DPP10: variants seen among roughly 807,000 people sequenced by gnomAD.
DPP10 encodes the protein dipeptidyl peptidase like 10, also known as inactive dipeptidyl peptidase 10.
In DPP10, 33 loss-of-function variants were observed where a neutral mutation model predicts 120.9. That is an observed-to-expected ratio of 0.27 (90% CI 0.21 to 0.37). The LOEUF is 0.37. Ranked by LOEUF, DPP10 falls within the 10% of genes least tolerant of loss-of-function variation. The probability of loss-of-function intolerance (pLI) is 1.00; values close to 1 mark genes in which losing one functional copy is unlikely to be tolerated. For synonymous variants in DPP10, 337 were observed against 326.1 expected, an observed-to-expected ratio of 1.03 and a Z score of -0.36; for missense variants, 816 against 942.8, an observed-to-expected ratio of 0.87 and a Z score of 1.76.
At chr2:114,475,857 G>C (rs566227459) in intron 1 of DPP10, among the ~76,000 whole-genome samples, 1 of 152,298 alleles carries the variant, frequency 6.6e-6, no homozygotes, top group East Asian at 1.9e-4. Flanking sequence ...TTTCCTGTGA[G>C]GGTAACTTGA....
chr2:115,005,448 CA>C (rs1701751457), intron 1 of DPP10, among the ~76,000 whole-genome samples: 1 of 151,178 alleles, frequency 6.6e-6, no homozygotes, highest in Non-Finnish European at 1.5e-5. Flanking sequence ...AAACCAAAGG[CA>C]AAGAAGTTGA....
At chr2:114,874,366 A>G (rs1690971842) in intron 1 of DPP10, among the ~76,000 whole-genome samples, 1 of 152,162 alleles carries the variant, frequency 6.6e-6, no homozygotes. Context: ...AAGGTCAAAT[A>G]GGTGTGACAA....
At chr2:115,543,870 A>T (rs1285168596) in intron 5 of DPP10, among the ~76,000 whole-genome samples, 1 of 152,050 alleles carries the variant, frequency 6.6e-6, no homozygotes, top group African/African-American at 2.4e-5. Context: ...ACTGCCAAGA[A>T]TCAGTAGGGG....
rs1677577966 is a variant in DPP10, at chr2:115,743,641, C to CACGA, written c.853-2445_853-2444insACGA. On this transcript the variant is annotated intron_variant, in intron 9 of 25. Transcript: ENST00000410059. ...ACTATTTTAGGCACTTTACATAAAT[C>CACGA]TTTTTATTAGTTTATGAGATATTCT... is the stretch of plus-strand genomic sequence containing the variant. 1.9e-3 allele frequency among the ~76,000 whole-genome samples: 262 copies of CACGA among 141,458 alleles called. 17 individuals are homozygous for CACGA. The highest frequency in any genetic ancestry group is 0.011 in the Admixed American group (115 of 10,728). The allele number at this position is 141,458 out of a possible 152,430, so 92.8% of individuals were successfully genotyped here.
At chr2:115,056,307 A>T (rs193037201) in intron 1 of DPP10, among the ~76,000 whole-genome samples, 22 of 152,278 alleles carry the variant, frequency 1.4e-4, no homozygotes, top group Admixed American at 2.0e-4. Flanking sequence ...AGGTACTATT[A>T]TGTGTAGGGT....
At chr2:115,469,887 AAAAAAAAAAAAAG>A (rs1215920383) in intron 3 of DPP10, among the ~76,000 whole-genome samples, 5 of 146,648 alleles carry the variant, frequency 3.4e-5, no homozygotes, top group African/African-American at 4.9e-5. Context: ...AACAAGAGAA[AAAAAAAAAAAAAG>A]AAAAAAAAAA....
intron 1 of DPP10, among the ~76,000 whole-genome samples, chr2:114,545,134 G>A (rs1687286502): frequency 1.3e-5 from 2 of 152,096 alleles, no homozygotes; most frequent in Admixed American, 1.3e-4. Context: ...ACAGGTGTGA[G>A]CCACTATGCC....
intron 5 of DPP10, among the ~76,000 whole-genome samples, chr2:115,634,742 G>C (rs1280247191): frequency 1.3e-5 from 2 of 152,180 alleles, no homozygotes; most frequent in Non-Finnish European, 2.9e-5. Context: ...GCTCCTTGGT[G>C]GAGGAGGTGC....
chr2:114,494,226 T>C (rs142870969), intron 1 of DPP10, among the ~76,000 whole-genome samples: 80 of 152,000 alleles, frequency 5.3e-4, no homozygotes, highest in African/African-American at 1.8e-3. Flanking sequence ...GGCAAGTTAC[T>C]CAACTTCTTC....
At chr2:115,657,742 A>T (rs748266224) in intron 5 of DPP10, among the ~76,000 whole-genome samples, 4 of 151,938 alleles carry the variant, frequency 2.6e-5, no homozygotes, top group Non-Finnish European at 5.9e-5. Context: ...AAAATGATAG[A>T]TTGATATATT....
At chr2:115,190,797 GTC>G (rs2054824536) in intron 1 of DPP10, among the ~76,000 whole-genome samples, 1 of 152,196 alleles carries the variant, frequency 6.6e-6, no homozygotes, top group Non-Finnish European at 1.5e-5. Flanking sequence ...TGGCCTGCCT[GTC>G]GCACATAACA....
chr2:114,967,492 G>A (rs1018324969), intron 1 of DPP10, among the ~76,000 whole-genome samples: 1 of 152,192 alleles, frequency 6.6e-6, no homozygotes, highest in Non-Finnish European at 1.5e-5. Flanking sequence ...GGCTTAGGCA[G>A]AAGTGGTATA....
At chr2:115,133,812 G>A (rs1477110931) in intron 1 of DPP10, among the ~76,000 whole-genome samples, 1 of 151,080 alleles carries the variant, frequency 6.6e-6, no homozygotes, top group East Asian at 2.1e-4. Context: ...AGGTCTGTCT[G>A]TGAAGTTATC....
chr2:114,620,899 C>T (rs1694046100), intron 1 of DPP10, among the ~76,000 whole-genome samples: 1 of 152,086 alleles, frequency 6.6e-6, no homozygotes, highest in South Asian at 2.1e-4. Flanking sequence ...AACTACATGA[C>T]ATTCATCGAA....
At chr2:115,753,514 G>A (rs1485133052) in intron 11 of DPP10, among the ~76,000 whole-genome samples, 3 of 152,068 alleles carry the variant, frequency 2.0e-5, no homozygotes, top group African/African-American at 7.2e-5. Flanking sequence ...AGAACAAACT[G>A]AGCTTTTGAA....
intron 1 of DPP10, among the ~76,000 whole-genome samples, chr2:114,990,723 A>G (rs1169745686): frequency 2.0e-5 from 3 of 152,184 alleles, no homozygotes; most frequent in African/African-American, 7.2e-5. Context: ...TTATGGTGAT[A>G]GCACAGACAC....
intron 1 of DPP10, among the ~76,000 whole-genome samples, chr2:114,797,911 C>T (rs1297461426): frequency 6.6e-6 from 1 of 152,170 alleles, no homozygotes. Flanking sequence ...TAGGTAAATA[C>T]TACCTTAACC....
At chr2:115,241,528 T>A (rs563163158) in intron 1 of DPP10, among the ~76,000 whole-genome samples, 1 of 152,352 alleles carries the variant, frequency 6.6e-6, no homozygotes, top group South Asian at 2.1e-4. Flanking sequence ...TTGTAGATTT[T>A]GTGATTCACA....
At chr2:115,007,016 A>G (rs991627112) in intron 1 of DPP10, among the ~76,000 whole-genome samples, 3 of 152,108 alleles carry the variant, frequency 2.0e-5, no homozygotes, top group South Asian at 2.1e-4. Context: ...ATAACAAACT[A>G]TCTCTCAGAC....
Sources: gnomAD v4.1 joint callset for allele counts (sites outside exome capture counted in the v4.1 genomes callset) on GRCh38, gnomAD v4.1.1 for gene constraint, MANE v1.5 for transcripts, NCBI Gene and HGNC (gene_info 2026-07-23, HGNC 2026-07-21) for gene names.